Variants in PACSIN2 observed in about 807,000 individuals in gnomAD.
PACSIN2 encodes the protein protein kinase C and casein kinase substrate in neurons 2, also known as protein kinase C and casein kinase substrate in neurons protein 2.
In PACSIN2, 25 loss-of-function variants were observed where a neutral mutation model predicts 63.8. That is an observed-to-expected ratio of 0.39 (90% confidence interval 0.29 to 0.55). PACSIN2 has a LOEUF of 0.55. Ranked by LOEUF, PACSIN2 falls within the 20% of genes least tolerant of loss-of-function variation. PACSIN2 has a pLI of 0.62. For missense variants in PACSIN2, 518 were observed against 646.9 expected (o/e 0.80, Z 2.16); for synonymous variants, 255 against 256.2 (o/e 1.00, Z 0.05).
chr22:43,006,681 G>A (rs928008218), intron 1 of PACSIN2, among the ~76,000 whole-genome samples: 1 of 152,120 alleles, frequency 6.6e-6, no homozygotes, highest in Non-Finnish European at 1.5e-5. Context: ...CCGGCATGAT[G>A]GCGCATGCCT....
At chr22:42,913,966 C>T (rs1168303597) in intron 1 of PACSIN2, among the ~76,000 whole-genome samples, 3 of 152,234 alleles carry the variant, frequency 2.0e-5, no homozygotes, top group Non-Finnish European at 2.9e-5. Flanking sequence ...AAACACACTG[C>T]TGTGCAGCAA....
rs145596059 is a variant in PACSIN2, at chr22:43,007,052, T to A, written c.-78+7969A>T. On this transcript the variant is annotated intron_variant, in intron 1 of 10. Transcript: ENST00000263246. ...CTGAATCACCCCTCCCCCATCTGCA[T>A]CCCTGACTTCTCAACTGACATCTTG... Among the ~76,000 whole-genome samples, 1,133 of 152,148 alleles carry A rather than the reference T, an allele frequency of 7.4e-3. 6 individuals carry two copies. Among genetic ancestry groups the A allele is most frequent in the Middle Eastern group, 0.024 (7 of 294 alleles).
chr22:42,927,883 G>A (rs544797981), intron 1 of PACSIN2, among the ~76,000 whole-genome samples: 1 of 152,150 alleles, frequency 6.6e-6, no homozygotes, highest in Non-Finnish European at 1.5e-5. Context: ...CACCGTGCCC[G>A]GCCTCAGTCA....
intron 2 of PACSIN2, among the ~76,000 whole-genome samples, chr22:42,910,635 C>G (rs908909875): frequency 2.6e-5 from 4 of 152,222 alleles, no homozygotes; most frequent in African/African-American, 9.6e-5. Context: ...GGCTGGCGAC[C>G]TGTTTGGCTG....
At chr22:42,903,496 C>T (rs1288836571) in intron 2 of PACSIN2, among the ~76,000 whole-genome samples, 1 of 152,180 alleles carries the variant, frequency 6.6e-6, no homozygotes, top group African/African-American at 2.4e-5. Context: ...TTTCAGGTGC[C>T]AAACTGCAAT....
intron 2 of PACSIN2, among the ~76,000 whole-genome samples, chr22:42,904,060 GAC>G (rs1336181621): frequency 1.3e-5 from 2 of 152,264 alleles, no homozygotes; most frequent in East Asian, 3.9e-4. Context: ...AAAAATAGAT[GAC>G]ACAGAAACCC....
At chr22:42,875,001 C>T (rs1276946049) in intron 10 of PACSIN2, among the ~76,000 whole-genome samples, 2 of 151,986 alleles carry the variant, frequency 1.3e-5, no homozygotes, top group East Asian at 1.9e-4. Context: ...CAGGCGGCTG[C>T]CACCACGCCC....
chr22:42,957,792 G>A (rs192269434), intron 1 of PACSIN2, among the ~76,000 whole-genome samples: 44 of 152,258 alleles, frequency 2.9e-4, no homozygotes, highest in Admixed American at 1.4e-3. Context: ...AAGAAGAATT[G>A]AGTGCTTGTC....
At chr22:42,921,952 T>G (rs1932225723) in intron 1 of PACSIN2, among the ~76,000 whole-genome samples, 1 of 152,148 alleles carries the variant, frequency 6.6e-6, no homozygotes, top group South Asian at 2.1e-4. Context: ...TTGGCCAGGC[T>G]GGTCTCGAAC....
chr22:42,920,535 C>A (rs1354478129), intron 1 of PACSIN2, among the ~76,000 whole-genome samples: 3 of 152,168 alleles, frequency 2.0e-5, no homozygotes, highest in Admixed American at 1.3e-4. Context: ...GGGAGGCAAA[C>A]ATACCTCCTT....
At chr22:43,000,359 T>C (rs1923688258) in intron 1 of PACSIN2, among the ~76,000 whole-genome samples, 1 of 152,138 alleles carries the variant, frequency 6.6e-6, no homozygotes, top group African/African-American at 2.4e-5. Context: ...AACTCCCCTC[T>C]CCCACCTGGT....
chr22:42,970,138 C>G (rs1921142964), intron 1 of PACSIN2, among the ~76,000 whole-genome samples: 1 of 152,138 alleles, frequency 6.6e-6, no homozygotes, highest in Non-Finnish European at 1.5e-5. Flanking sequence ...AGAGCAGGGT[C>G]CTGGCCTGAA....
At chr22:42,900,348 G>A (rs1930593028) in intron 2 of PACSIN2, among the ~76,000 whole-genome samples, 1 of 152,228 alleles carries the variant, frequency 6.6e-6, no homozygotes, top group African/African-American at 2.4e-5. Context: ...ATTTTCACTA[G>A]CGACGGCGTC....
In PACSIN2 at chr22:42,995,987, G is replaced by A. The variant is rs943396556; in HGVS notation, c.-78+19034C>T. On this transcript the variant is annotated intron_variant, in intron 1 of 10. Coordinates refer to ENST00000263246, the MANE Select transcript of PACSIN2 (RefSeq NM_001184970.3). ...TGTAATCCCAGCACTTTGGGAGGCC[G>A]AAGTGGGCGGATCACAAGGTCAGGA... Among the ~76,000 whole-genome samples, 14 of 151,322 alleles carry A rather than the reference G, an allele frequency of 9.3e-5. 1 individual carries two copies. The highest frequency in any genetic ancestry group is 6.3e-4 in the South Asian group (3 of 4,788).
intron 1 of PACSIN2, among the ~76,000 whole-genome samples, chr22:42,956,476 A>G (rs571155419): frequency 5.9e-5 from 9 of 152,342 alleles, no homozygotes; most frequent in Admixed American, 4.6e-4. Flanking sequence ...AGTAATCACT[A>G]TGGAAAAGCA....
At chr22:42,984,399 G>A (rs573104857) in intron 1 of PACSIN2, among the ~76,000 whole-genome samples, 1 of 152,122 alleles carries the variant, frequency 6.6e-6, no homozygotes, top group East Asian at 1.9e-4. Context: ...TTTCCCACCC[G>A]GAAGAAATGC....
intron 1 of PACSIN2, among the ~76,000 whole-genome samples, chr22:42,974,964 C>G (rs764540823): frequency 6.6e-6 from 1 of 152,066 alleles, no homozygotes; most frequent in Non-Finnish European, 1.5e-5. Flanking sequence ...CTCTGCAGAC[C>G]CAGCTGACCT....
At chr22:42,997,438 G>C (rs1243334195) in intron 1 of PACSIN2, among the ~76,000 whole-genome samples, 2 of 151,974 alleles carry the variant, frequency 1.3e-5, no homozygotes, top group East Asian at 3.8e-4. Context: ...GGCGCCTGTA[G>C]TCCCAGCTAC....
intron 2 of PACSIN2, among the ~76,000 whole-genome samples, chr22:42,897,273 G>A (rs1319994732): frequency 2.0e-5 from 3 of 152,098 alleles, no homozygotes; most frequent in South Asian, 2.1e-4. Context: ...AAAATCAAAC[G>A]TATAATAATG....
Sources: gnomAD v4.1 joint callset for allele counts (sites outside exome capture counted in the v4.1 genomes callset) on GRCh38, gnomAD v4.1.1 for gene constraint, MANE v1.5 for transcripts, NCBI Gene and HGNC (gene_info 2026-07-23, HGNC 2026-07-21) for gene names.